The following CDH18 variants were observed in gnomAD, a reference collection of about 807,000 sequenced individuals.
CDH18 encodes the protein cadherin 18, also known as cadherin-18.
Under a neutral mutation model 67.9 loss-of-function variants are expected in CDH18, and 31 were observed. The observed-to-expected ratio is 0.46, with a 90% CI of 0.34 to 0.62. CDH18 has a LOEUF of 0.62. Ranked by LOEUF, CDH18 falls within the 20% of genes least tolerant of loss-of-function variation. CDH18 has a pLI of 0.01. For missense variants in CDH18, 890 were observed against 975.5 expected, an observed-to-expected ratio of 0.91 and a Z score of 1.17; for synonymous variants, 362 against 347.2, an observed-to-expected ratio of 1.04 and a Z score of -0.48.
At chr5:20,283,938 T>C (rs1580664406) in intron 1 of CDH18, among the ~76,000 whole-genome samples, 2 of 152,018 alleles carry the variant, frequency 1.3e-5, no homozygotes, top group Non-Finnish European at 2.9e-5. Flanking sequence ...GATCCTATCA[T>C]TGACAATAGC....
At chr5:19,960,584 T>TGTGTGTGTATATATATATATACACACAC (rs1435126452) in intron 2 of CDH18, among the ~76,000 whole-genome samples, 1 of 123,460 alleles carries the variant, frequency 8.1e-6, no homozygotes, top group South Asian at 2.2e-4. Flanking sequence ...TGTGTGTGTG[T>TGTGTGTGTATATATATATATACACACAC]GTGTGTATAT....
intron 1 of CDH18, among the ~76,000 whole-genome samples, chr5:20,276,496 G>C (rs1366082928): frequency 6.6e-6 from 1 of 152,158 alleles, no homozygotes; most frequent in Non-Finnish European, 1.5e-5. Flanking sequence ...TTCATCCCCA[G>C]CTGAATAAAG....
intron 2 of CDH18, among the ~76,000 whole-genome samples, chr5:19,911,046 A>T (rs1214169265): frequency 2.0e-5 from 3 of 152,088 alleles, no homozygotes; most frequent in Admixed American, 6.6e-5. Context: ...TAATCTTTCA[A>T]TGCCTGTAAG....
At chr5:19,495,121 G>C (rs1335158140) in intron 11 of CDH18, among the ~76,000 whole-genome samples, 4 of 152,178 alleles carry the variant, frequency 2.6e-5, no homozygotes, top group African/African-American at 9.6e-5. Context: ...AATATTGGTT[G>C]AAATGGTGAC....
At chr5:19,941,279 G>A (rs1378360524) in intron 2 of CDH18, among the ~76,000 whole-genome samples, 1 of 152,080 alleles carries the variant, frequency 6.6e-6, no homozygotes, top group East Asian at 1.9e-4. Context: ...AAACTCCTCA[G>A]CCTCTAAAAC....
intron 1 of CDH18, among the ~76,000 whole-genome samples, chr5:20,489,411 T>C (rs1459602672): frequency 1.3e-5 from 2 of 152,090 alleles, no homozygotes; most frequent in African/African-American, 2.4e-5. Context: ...TAATGAACTA[T>C]GTAACTTCCA....
chr5:20,154,247 G>C (rs1044161164), intron 2 of CDH18, among the ~76,000 whole-genome samples: 8 of 152,122 alleles, frequency 5.3e-5, no homozygotes, highest in African/African-American at 1.7e-4. Context: ...ATAGATGACT[G>C]TAAATTCTTT....
At chr5:19,875,415 G>GATAC (rs1201850530) in intron 2 of CDH18, among the ~76,000 whole-genome samples, 136 of 149,366 alleles carry the variant, frequency 9.1e-4, no homozygotes, top group East Asian at 4.3e-3. Context: ...TAGATAGATA[G>GATAC]ATAGATAGAT....
chr5:19,489,514 T>A (rs1741024468), intron 11 of CDH18, among the ~76,000 whole-genome samples: 1 of 152,130 alleles, frequency 6.6e-6, no homozygotes, highest in Admixed American at 6.5e-5. Flanking sequence ...CCCATAGTGC[T>A]GGGATTACAG....
At chr5:19,592,341 T>C (rs915954831) in intron 6 of CDH18, among the ~76,000 whole-genome samples, 1 of 152,088 alleles carries the variant, frequency 6.6e-6, no homozygotes, top group South Asian at 2.1e-4. Flanking sequence ...ATAGTGCTTA[T>C]ATTAAGAAGC....
chr5:20,008,119 T>A (rs148834197), intron 2 of CDH18, among the ~76,000 whole-genome samples: 119 of 152,210 alleles, frequency 7.8e-4, no homozygotes, highest in South Asian at 2.7e-3. Flanking sequence ...ATTCTAAACT[T>A]AATATGACTT....
intron 1 of CDH18, among the ~76,000 whole-genome samples, chr5:20,359,094 G>A (rs1004720767): frequency 2.0e-5 from 3 of 151,842 alleles, no homozygotes; most frequent in African/African-American, 7.3e-5. Flanking sequence ...ACCATGCCTA[G>A]CTAATTTTGT....
chr5:20,241,051 T>C (rs1407112677), intron 2 of CDH18, among the ~76,000 whole-genome samples: 1 of 152,126 alleles, frequency 6.6e-6, no homozygotes, highest in Non-Finnish European at 1.5e-5. Context: ...TTTCAAAGCA[T>C]TTATCCTCAT....
intron 1 of CDH18, among the ~76,000 whole-genome samples, chr5:20,320,312 A>G (rs1737881156): frequency 6.6e-6 from 1 of 152,162 alleles, no homozygotes; most frequent in Non-Finnish European, 1.5e-5. Context: ...GGTTTTCTCT[A>G]AGAATCAGAC....
rs747396500 is a variant in CDH18, at chr5:20,109,641, A to C, written c.-517-117627T>G. Among the ~76,000 whole-genome samples, 74 of 152,252 alleles carry C rather than the reference A, an allele frequency of 4.9e-4. 1 individual carries two copies. The highest frequency in any genetic ancestry group is 3.3e-3 in the Admixed American group (50 of 15,278). On this transcript the variant is annotated intron_variant, in intron 2 of 14. Coordinates refer to the CDH18 transcript ENST00000507958. Reference sequence around the variant, plus strand: ...CTAAGGCTGTGTTTATGGTTTTTGAAGTATGGAATGTATAGCCTTTTTCCT... The same window carrying C: ...CTAAGGCTGTGTTTATGGTTTTTGACGTATGGAATGTATAGCCTTTTTCCT...
intron 11 of CDH18, among the ~76,000 whole-genome samples, chr5:19,493,875 A>C (rs907152066): frequency 6.6e-6 from 1 of 152,020 alleles, no homozygotes; most frequent in Non-Finnish European, 1.5e-5. Flanking sequence ...CCTTATTGTA[A>C]CTTTTTGCCA....
intron 1 of CDH18, among the ~76,000 whole-genome samples, chr5:20,572,794 G>A (rs984112558): frequency 2.0e-5 from 3 of 152,108 alleles, no homozygotes; most frequent in African/African-American, 7.2e-5. Flanking sequence ...GAGTAATCAG[G>A]AAAGGTATGT....
At chr5:19,487,392 G>C (rs969607691) in intron 11 of CDH18, among the ~76,000 whole-genome samples, 1 of 152,012 alleles carries the variant, frequency 6.6e-6, no homozygotes, top group Admixed American at 6.6e-5. Context: ...CATAGTTTTG[G>C]GTTCACTGCA....
intron 2 of CDH18, among the ~76,000 whole-genome samples, chr5:20,030,202 T>C (rs1056611386): frequency 6.6e-6 from 1 of 152,212 alleles, no homozygotes; most frequent in Non-Finnish European, 1.5e-5. Flanking sequence ...AGGCTGATTA[T>C]GTAGTTAATA....
Sources: allele counts gnomAD v4.1 joint callset (sites outside exome capture counted in the v4.1 genomes callset), GRCh38; gene constraint gnomAD v4.1.1; transcripts MANE v1.5; gene names NCBI Gene and HGNC (gene_info 2026-07-23, HGNC 2026-07-21).